DOK6: variants seen among roughly 807,000 people sequenced by gnomAD.
The protein encoded by DOK6 is downstream of tyrosine kinase 6.
DOK6 carries 22 observed loss-of-function variants against 44.0 expected under a neutral mutation model. That is an observed-to-expected ratio of 0.50 (90% CI 0.36 to 0.71). The LOEUF is 0.71. Among genes scored for constraint, DOK6 ranks in the 30% least tolerant of loss-of-function variants. The probability of loss-of-function intolerance (pLI) is 0.00; values close to 1 mark genes in which losing one functional copy is unlikely to be tolerated. For missense variants in DOK6, 340 were observed against 416.4 expected (o/e 0.82, Z 1.60); for synonymous variants, 166 against 145.5 (o/e 1.14, Z -1.01).
At chr18:69,513,736 T>A (rs548287865) in intron 1 of DOK6, among the ~76,000 whole-genome samples, 1 of 152,310 alleles carries the variant, frequency 6.6e-6, no homozygotes, top group East Asian at 1.9e-4. Context: ...AAATTTCAGT[T>A]AAGCTAAATT....
chr18:69,614,827 GTGT>G (rs1250335083), intron 3 of DOK6, among the ~76,000 whole-genome samples: 1 of 151,684 alleles, frequency 6.6e-6, no homozygotes, highest in South Asian at 2.1e-4. Context: ...GTGTGTGTGT[GTGT>G]TATTTCACCA....
chr18:69,432,898 T>C (rs1255334641), intron 1 of DOK6, among the ~76,000 whole-genome samples: 2 of 152,198 alleles, frequency 1.3e-5, no homozygotes, highest in East Asian at 3.8e-4. Context: ...CCCCCTAGGA[T>C]TTCATTATTA....
intron 3 of DOK6, among the ~76,000 whole-genome samples, chr18:69,602,072 T>G (rs538056203): frequency 6.6e-6 from 1 of 152,314 alleles, no homozygotes; most frequent in Admixed American, 6.5e-5. Flanking sequence ...ATAATTTATG[T>G]AGATGCTCTG....
intron 3 of DOK6, among the ~76,000 whole-genome samples, chr18:69,628,895 G>A (rs1318810555): frequency 6.6e-6 from 1 of 152,164 alleles, no homozygotes; most frequent in Non-Finnish European, 1.5e-5. Context: ...GTTAACTGAA[G>A]GCTGTGTAAG....
At chr18:69,407,596 A>G (rs1021692729) in intron 1 of DOK6, among the ~76,000 whole-genome samples, 2 of 152,234 alleles carry the variant, frequency 1.3e-5, no homozygotes, top group African/African-American at 4.8e-5. Flanking sequence ...GAGCAGTATT[A>G]TCCTCTAAGT....
chr18:69,535,850 T>C (rs1233454906), intron 1 of DOK6, among the ~76,000 whole-genome samples: 1 of 152,014 alleles, frequency 6.6e-6, no homozygotes, highest in African/African-American at 2.4e-5. Context: ...GCAAAAAATA[T>C]CATACTTGGC....
intron 1 of DOK6, among the ~76,000 whole-genome samples, chr18:69,528,162 C>CA (rs1555710307): frequency 0.23 from 15,467 of 68,528 alleles, 1,287 homozygotes; most frequent in South Asian, 0.41. Flanking sequence ...GACTCTGTCT[C>CA]AAAAAAAAAA....
At chr18:69,678,390 C>G (rs1985972173) in intron 4 of DOK6, among the ~76,000 whole-genome samples, 1 of 152,172 alleles carries the variant, frequency 6.6e-6, no homozygotes, top group South Asian at 2.1e-4. Flanking sequence ...ATCCTAATAA[C>G]TAATAGGTTA....
intron 1 of DOK6, among the ~76,000 whole-genome samples, chr18:69,519,643 A>T (rs1471181526): frequency 6.6e-6 from 1 of 151,968 alleles, no homozygotes; most frequent in Non-Finnish European, 1.5e-5. Context: ...GAATGTTTTA[A>T]AGAGCTTCTT....
intron 3 of DOK6, among the ~76,000 whole-genome samples, chr18:69,644,752 T>G (rs1046346167): frequency 1.3e-5 from 2 of 152,206 alleles, no homozygotes; most frequent in African/African-American, 4.8e-5. Context: ...CTGATACTGA[T>G]GCTAATTGCT....
intron 1 of DOK6, among the ~76,000 whole-genome samples, chr18:69,523,194 T>C (rs1257860102): frequency 6.6e-6 from 1 of 152,106 alleles, no homozygotes; most frequent in African/African-American, 2.4e-5. Flanking sequence ...TATTTCTGAA[T>C]ATTGATTCAA....
intron 5 of DOK6, among the ~76,000 whole-genome samples, chr18:69,736,796 T>C (rs997876753): frequency 2.6e-5 from 4 of 152,238 alleles, no homozygotes; most frequent in African/African-American, 9.6e-5. Context: ...TATGTCCTCC[T>C]GTGGGTCTCA....
chr18:69,776,471 A>G (rs1486603671), intron 7 of DOK6, among the ~76,000 whole-genome samples: 1 of 152,124 alleles, frequency 6.6e-6, no homozygotes, highest in Non-Finnish European at 1.5e-5. Context: ...TAATGAAAAC[A>G]CTACATCAAA....
chr18:69,559,321 A>T (rs1476393001), intron 1 of DOK6, among the ~76,000 whole-genome samples: 1 of 152,126 alleles, frequency 6.6e-6, no homozygotes, highest in Non-Finnish European at 1.5e-5. Context: ...ATTTAACATC[A>T]TGATTGTTCC....
chr18:69,747,066 T>C (rs1173269857), intron 6 of DOK6, among the ~76,000 whole-genome samples: 1 of 152,228 alleles, frequency 6.6e-6, no homozygotes, highest in Admixed American at 6.5e-5. Context: ...TACCTCATTG[T>C]CCTTGTCTGT....
intron 1 of DOK6, among the ~76,000 whole-genome samples, chr18:69,429,797 A>C (rs1476696300): frequency 6.6e-6 from 1 of 151,784 alleles, no homozygotes; most frequent in Non-Finnish European, 1.5e-5. Flanking sequence ...CCTGTTAAAA[A>C]GAGAGAAACT....
chr18:69,466,171 C>T (rs578175569), intron 1 of DOK6, among the ~76,000 whole-genome samples: 41 of 152,118 alleles, frequency 2.7e-4, no homozygotes, highest in South Asian at 6.2e-4. Flanking sequence ...TCTATTCCTC[C>T]GCCCCTCCCT....
chr18:69,653,017 C>T (rs542640764), intron 3 of DOK6, among the ~76,000 whole-genome samples: 2 of 152,226 alleles, frequency 1.3e-5, no homozygotes, highest in Admixed American at 6.5e-5. Context: ...CTATGGGGGA[C>T]TTACTTTTAT....
intron 7 of DOK6, among the ~76,000 whole-genome samples, chr18:69,811,514 A>C (rs1981224863): frequency 7.1e-6 from 1 of 140,464 alleles, no homozygotes. Flanking sequence ...AGCTTGATTT[A>C]ACCATTCCAT....
Sources: allele counts gnomAD v4.1 joint callset (sites outside exome capture counted in the v4.1 genomes callset), GRCh38; gene constraint gnomAD v4.1.1; transcripts MANE v1.5; gene names NCBI Gene and HGNC (gene_info 2026-07-23, HGNC 2026-07-21).